The following SHISA9 variants were observed in gnomAD, a reference collection of about 807,000 sequenced individuals.
SHISA9 encodes the protein shisa family member 9.
Under a neutral mutation model 38.0 loss-of-function variants are expected in SHISA9, and 13 were observed. That is an observed-to-expected ratio of 0.34 (90% confidence interval 0.22 to 0.54). The LOEUF (loss-of-function observed/expected upper bound fraction) is 0.54, where lower values mean the gene tolerates loss of function less well. SHISA9 is among the 20% of genes least tolerant of loss of function. The probability of loss-of-function intolerance (pLI) is 0.91; values close to 1 mark genes in which losing one functional copy is unlikely to be tolerated. For missense variants in SHISA9, 538 were observed against 575.8 expected (o/e 0.93, Z 0.67); for synonymous variants, 275 against 242.0 (o/e 1.14, Z -1.27).
At chr16:13,359,308 C>G in the SHISA9 span, among the ~76,000 whole-genome samples, 6 of 152,012 alleles carry the variant, frequency 3.9e-5, no homozygotes, top group Non-Finnish European at 1.5e-5. Flanking sequence ...TGGTGAAACC[C>G]TGTCTCTACT....
At chr16:13,150,206 G>A (rs901285889) in intron 2 of SHISA9, among the ~76,000 whole-genome samples, 1 of 151,868 alleles carries the variant, frequency 6.6e-6, no homozygotes, top group Admixed American at 6.6e-5. Flanking sequence ...AATCTACTGC[G>A]TTTGTTCCAC....
the SHISA9 span, among the ~76,000 whole-genome samples, chr16:13,510,327 CT>C: frequency 6.6e-6 from 1 of 152,116 alleles, no homozygotes; most frequent in Non-Finnish European, 1.5e-5. Flanking sequence ...AACAAACAAA[CT>C]GAGGCTCATT....
At chr16:13,483,831 G>A in the SHISA9 span, among the ~76,000 whole-genome samples, 3 of 152,124 alleles carry the variant, frequency 2.0e-5, no homozygotes. Flanking sequence ...TGGAAGCTCT[G>A]TGTCCCTTCT....
intron 2 of SHISA9, among the ~76,000 whole-genome samples, chr16:13,006,823 A>C (rs1423235410): frequency 1.3e-5 from 2 of 151,986 alleles, no homozygotes; most frequent in Non-Finnish European, 2.9e-5. Flanking sequence ...CTGATCACTG[A>C]AGCTCATCCC....
chr16:13,061,984 G>T (rs188991389), intron 2 of SHISA9, among the ~76,000 whole-genome samples: 31 of 152,264 alleles, frequency 2.0e-4, no homozygotes, highest in African/African-American at 6.7e-4. Context: ...GGCCGGTGGG[G>T]CTGGACTTGA....
chr16:13,381,890 A>G, the SHISA9 span, among the ~76,000 whole-genome samples: 1 of 152,208 alleles, frequency 6.6e-6, no homozygotes, highest in African/African-American at 2.4e-5. Flanking sequence ...TTATTTTGTT[A>G]ATAAAAATGA....
chr16:13,122,854 C>G (rs938490545), intron 2 of SHISA9, among the ~76,000 whole-genome samples: 2 of 152,154 alleles, frequency 1.3e-5, no homozygotes, highest in African/African-American at 4.8e-5. Context: ...TGAGACAAGC[C>G]TGGCCAACAT....
intron 2 of SHISA9, among the ~76,000 whole-genome samples, chr16:13,019,869 TCCCTCCCTCCC>T (rs2072813641): frequency 1.8e-4 from 6 of 32,642 alleles, no homozygotes; most frequent in Admixed American, 3.8e-4. Flanking sequence ...CCTCCCTCCC[TCCCTCCCTCCC>T]TCCCTTCTTT....
chr16:13,181,476 G>T (rs1024035325), intron 2 of SHISA9, among the ~76,000 whole-genome samples: 1 of 151,818 alleles, frequency 6.6e-6, no homozygotes. Context: ...CTTGCTGGGG[G>T]ATAGAGATCA....
chr16:13,094,045 G>A (rs1018392144), intron 2 of SHISA9, among the ~76,000 whole-genome samples: 2 of 152,128 alleles, frequency 1.3e-5, no homozygotes, highest in African/African-American at 2.4e-5. Flanking sequence ...CCTATACCAA[G>A]GAGGCTGCTG....
the SHISA9 span, among the ~76,000 whole-genome samples, chr16:13,445,356 T>G: frequency 6.6e-6 from 1 of 152,100 alleles, no homozygotes; most frequent in Non-Finnish European, 1.5e-5. Flanking sequence ...TTGAATGAAT[T>G]TAGATGTTAA....
chr16:13,536,350 C>A, the SHISA9 span, among the ~76,000 whole-genome samples: 1 of 152,192 alleles, frequency 6.6e-6, no homozygotes, highest in African/African-American at 2.4e-5. Context: ...ATCCCTGTGG[C>A]TACTTCTTTT....
chr16:12,958,823 T>G (rs1567352732), intron 2 of SHISA9, among the ~76,000 whole-genome samples: 1 of 152,194 alleles, frequency 6.6e-6, no homozygotes, highest in Non-Finnish European at 1.5e-5. Context: ...AGTCAGCTAT[T>G]ATGGCAATAA....
intron 2 of SHISA9, among the ~76,000 whole-genome samples, chr16:12,952,327 G>T (rs2071768849): frequency 6.6e-6 from 1 of 152,176 alleles, no homozygotes; most frequent in Non-Finnish European, 1.5e-5. Flanking sequence ...GCAGCCCCGT[G>T]GCACGGTCCC....
chr16:13,285,538 G>A, the SHISA9 span, among the ~76,000 whole-genome samples: 1 of 149,782 alleles, frequency 6.7e-6, no homozygotes, highest in South Asian at 2.1e-4. Context: ...ACGTATGTGG[G>A]TGGAAGATTT....
intron 2 of SHISA9, among the ~76,000 whole-genome samples, chr16:12,968,481 A>T (rs2072010696): frequency 6.6e-6 from 1 of 152,240 alleles, no homozygotes; most frequent in African/African-American, 2.4e-5. Flanking sequence ...TAGCAGCACT[A>T]TTCATAATAG....
chr16:12,991,731 A>G (rs920085628), intron 2 of SHISA9, among the ~76,000 whole-genome samples: 2 of 152,202 alleles, frequency 1.3e-5, no homozygotes, highest in Non-Finnish European at 2.9e-5. Context: ...CAATTTTAAG[A>G]GTCGCAAGGG....
chr16:13,329,069 C>CT, the SHISA9 span, among the ~76,000 whole-genome samples: 1 of 152,020 alleles, frequency 6.6e-6, no homozygotes, highest in Non-Finnish European at 1.5e-5. Context: ...CTTCTTTTTG[C>CT]TAAACCTCAT....
intron 2 of SHISA9, among the ~76,000 whole-genome samples, chr16:12,965,266 A>C (rs2071962186): frequency 6.6e-6 from 1 of 152,256 alleles, no homozygotes; most frequent in East Asian, 1.9e-4. Flanking sequence ...ATATACCATA[A>C]AATTTCAGCC....
Sources: gnomAD v4.1 joint callset for allele counts (sites outside exome capture counted in the v4.1 genomes callset) on GRCh38, gnomAD v4.1.1 for gene constraint, MANE v1.5 for transcripts, NCBI Gene and HGNC (gene_info 2026-07-23, HGNC 2026-07-21) for gene names.